Variants in JAM2 observed in about 807,000 individuals in gnomAD.
JAM2 encodes junctional adhesion molecule B.
A neutral mutation model predicts 42.0 loss-of-function variants in JAM2; 17 were observed. The ratio of observed to expected loss-of-function variants is 0.40; its 90% CI spans 0.28 to 0.61. The LOEUF (loss-of-function observed/expected upper bound fraction) is 0.61. Ranked by LOEUF, JAM2 falls within the 20% of genes least tolerant of loss-of-function variation. The pLI is 0.37. For synonymous variants in JAM2, 118 were observed against 128.6 expected, an observed-to-expected ratio of 0.92 and a Z score of 0.56; for missense variants, 319 against 358.3, an observed-to-expected ratio of 0.89 and a Z score of 0.89.
Position 25,717,031 on chromosome 21 carries a change from A to G in JAM2, c.*2359A>G, listed in dbSNP as rs1057373895. The G allele has an allele frequency of 2.0e-5, 3 of 152,258 alleles. No individual in the cohort carries two copies. Among genetic ancestry groups the G allele is most frequent in the African/African-American group, 7.2e-5 (3 of 41,468 alleles). The allele number at this position is 152,258 out of a possible 1,614,324, so 9.4% of individuals were successfully genotyped here. On this transcript the variant is annotated 3_prime_UTR_variant, in exon 10 of 10. Coordinates refer to ENST00000480456, the MANE Select transcript of JAM2 (RefSeq NM_021219.4). ...ACTAATAGTTGTAAAACTTCTTTTT[A>G]AGACATCAAAGGCTAGAGGATTCAT...
At chr21:25,651,763 T>C (rs1032692934) in intron 1 of JAM2, among the ~76,000 whole-genome samples, 1 of 152,208 alleles carries the variant, frequency 6.6e-6, no homozygotes, top group Non-Finnish European at 1.5e-5. Flanking sequence ...ATTGGCTAAA[T>C]AAATAACACA....
chr21:25,672,918 A>G (rs2033394942), intron 1 of JAM2, among the ~76,000 whole-genome samples: 1 of 152,200 alleles, frequency 6.6e-6, no homozygotes, highest in Non-Finnish European at 1.5e-5. Flanking sequence ...GCTTCCACTG[A>G]GTATGTGGCT....
intron 1 of JAM2, among the ~76,000 whole-genome samples, chr21:25,678,207 T>C (rs376828866): frequency 5.3e-5 from 8 of 151,978 alleles, no homozygotes; most frequent in Non-Finnish European, 1.2e-4. Context: ...GCCTGGGCAA[T>C]AGAGCGAGAC....
intron 1 of JAM2, among the ~76,000 whole-genome samples, chr21:25,665,933 G>A (rs111316210): frequency 0.017 from 2,614 of 152,112 alleles, 60 homozygotes; most frequent in African/African-American, 0.059. Flanking sequence ...CCAGCTACTC[G>A]GGAGGCTGAG....
chr21:25,693,396 T>TA (rs1417055860), intron 3 of JAM2, among the ~76,000 whole-genome samples: 1 of 152,238 alleles, frequency 6.6e-6, no homozygotes, highest in East Asian at 1.9e-4. Context: ...TAGCTGGGAT[T>TA]ACAGGCGCCC....
rs201686444 is a variant in JAM2 at position 25,693,260 on chromosome 21, A to AT, written c.242-481dup. 2.1e-3 allele frequency among the ~76,000 whole-genome samples: 306 copies of AT among 145,566 alleles called. 1 individual carries two copies. The highest frequency in any genetic ancestry group is 3.6e-3 in the Middle Eastern group (1 of 280). On this transcript the variant is annotated intron_variant, in intron 3 of 9. Coordinates refer to ENST00000480456, the MANE Select transcript of JAM2 (RefSeq NM_021219.4). ...AGAATATAAAACTATGCTTTTTTGA[A>AT]TTTTTTTTTTTTTTTGAGACTGAGT...
At position 25,666,893 on chromosome 21, in the gene JAM2, A is replaced by G. The variant is rs149007844; in HGVS notation, c.68-16990A>G. ...GAAAAATATTTTAGGAATTGACTCT[A>G]TCATTTTAAGCATCAAATATATTCA... is the stretch of plus-strand genomic sequence containing the variant. On this transcript the variant is annotated intron_variant, in intron 1 of 9. Transcript: ENST00000480456. 1.9e-3 allele frequency among the ~76,000 whole-genome samples: 283 copies of G among 152,334 alleles called. 1 individual carries two copies. Among genetic ancestry groups the G allele is most frequent in the Middle Eastern group, 0.014 (4 of 294 alleles).
chr21:25,655,587 T>A (rs962384001), intron 1 of JAM2, among the ~76,000 whole-genome samples: 1 of 150,104 alleles, frequency 6.7e-6, no homozygotes, highest in Non-Finnish European at 1.5e-5. Context: ...CTCAAGCGAT[T>A]CTCCTCCCTC....
chr21:25,697,034 A>G (rs1170265135), intron 4 of JAM2, among the ~76,000 whole-genome samples: 1 of 142,990 alleles, frequency 7.0e-6, no homozygotes, highest in African/African-American at 2.7e-5. Context: ...TTGTAGAGAC[A>G]TGATCTCACT....
At chr21:25,682,978 G>A (rs1211308492) in intron 1 of JAM2, among the ~76,000 whole-genome samples, 5 of 152,052 alleles carry the variant, frequency 3.3e-5, no homozygotes, top group African/African-American at 1.2e-4. Context: ...CTCCTCGCCT[G>A]CTCATCTGCT....
At chr21:25,691,697 G>T (rs2033884808) in intron 3 of JAM2, among the ~76,000 whole-genome samples, 1 of 152,126 alleles carries the variant, frequency 6.6e-6, no homozygotes, top group Admixed American at 6.6e-5. Context: ...AAGGGAACTA[G>T]AAAGGGAATG....
intron 1 of JAM2, among the ~76,000 whole-genome samples, chr21:25,662,860 T>TACA: frequency 6.6e-6 from 1 of 152,232 alleles, no homozygotes; most frequent in Non-Finnish European, 1.5e-5. Flanking sequence ...AAGTATGATG[T>TACA]AGACACAATC....
intron 1 of JAM2, among the ~76,000 whole-genome samples, chr21:25,641,923 G>A (rs964577093): frequency 9.9e-5 from 15 of 152,064 alleles, no homozygotes; most frequent in East Asian, 1.9e-4. Flanking sequence ...GAATGACTGC[G>A]AATTGCTGTT....
At chr21:25,712,995 C>A (rs947476389) in intron 9 of JAM2, among the ~76,000 whole-genome samples, 2 of 152,168 alleles carry the variant, frequency 1.3e-5, no homozygotes, top group African/African-American at 2.4e-5. Context: ...CTAGTGAGAG[C>A]CTGTTCCTCA....
chr21:25,678,623 T>C (rs1253167980), intron 1 of JAM2, among the ~76,000 whole-genome samples: 2 of 152,240 alleles, frequency 1.3e-5, no homozygotes, highest in African/African-American at 4.8e-5. Flanking sequence ...CACTGCTTTC[T>C]ACAGACATAT....
At chr21:25,685,294 A>G (rs888925622) in intron 2 of JAM2, among the ~76,000 whole-genome samples, 2 of 152,040 alleles carry the variant, frequency 1.3e-5, no homozygotes, top group Non-Finnish European at 2.9e-5. Flanking sequence ...CATGCCTGTA[A>G]TCTCAAACTC....
chr21:25,653,781 A>G (rs138903537), intron 1 of JAM2, among the ~76,000 whole-genome samples: 135 of 152,348 alleles, frequency 8.9e-4, no homozygotes, highest in Non-Finnish European at 1.4e-3. Context: ...GCCTAACCAT[A>G]TCACTTAGAA....
At chr21:25,697,386 C>A (rs138922626) in intron 4 of JAM2, among the ~76,000 whole-genome samples, 47 of 152,146 alleles carry the variant, frequency 3.1e-4, no homozygotes, top group Middle Eastern at 6.8e-3. Flanking sequence ...CTTGGGAGAC[C>A]ACCTTAGAAT....
At chr21:25,681,541 T>A (rs974710107) in intron 1 of JAM2, among the ~76,000 whole-genome samples, 1 of 152,106 alleles carries the variant, frequency 6.6e-6, no homozygotes, top group Non-Finnish European at 1.5e-5. Flanking sequence ...CCACAACACA[T>A]GGGGATTATG....
Sources: gnomAD v4.1 joint callset for allele counts (sites outside exome capture counted in the v4.1 genomes callset) on GRCh38, gnomAD v4.1.1 for gene constraint, MANE v1.5 for transcripts, NCBI Gene and HGNC (gene_info 2026-07-23, HGNC 2026-07-21) for gene names.